PDE3B: variants seen among roughly 807,000 people sequenced by gnomAD.
The protein encoded by PDE3B is cGMP-inhibited 3',5'-cyclic phosphodiesterase 3B.
In PDE3B, 66 loss-of-function variants were observed where a neutral mutation model predicts 116.8. The ratio of observed to expected loss-of-function variants is 0.56; its 90% CI spans 0.46 to 0.69. The LOEUF is 0.69. Among genes scored for constraint, PDE3B ranks in the 30% least tolerant of loss-of-function variants. The pLI is 0.00. For synonymous variants in PDE3B, 595 were observed against 533.6 expected, an observed-to-expected ratio of 1.12 and a Z score of -1.59; for missense variants, 1,384 against 1,368.1, an observed-to-expected ratio of 1.01 and a Z score of -0.18.
chr11:14,896,769 A>T, the PDE3B span, among the ~76,000 whole-genome samples: 1 of 152,206 alleles, frequency 6.6e-6, no homozygotes, highest in Non-Finnish European at 1.5e-5. Flanking sequence ...TCTATTTAAA[A>T]TTCGTGAATA....
chr11:14,732,375 A>G (rs889889580), intron 1 of PDE3B, among the ~76,000 whole-genome samples: 1 of 152,204 alleles, frequency 6.6e-6, no homozygotes, highest in African/African-American at 2.4e-5. Context: ...AATATATCAG[A>G]GAATGGAGTT....
In PDE3B at chr11:14,820,075, A is replaced by G. The variant is rs149441721; in HGVS notation, c.1807+866A>G. On this transcript the variant is annotated intron_variant, in intron 7 of 15. Coordinates refer to ENST00000282096, the MANE Select transcript of PDE3B (RefSeq NM_000922.4). The stretch of plus-strand genomic sequence containing the variant: ...ATTATAGGTTCTTCTCAATCCCTTT[A>G]CATACCATAAAACTTACCCTTTTAA... Among the ~76,000 whole-genome samples the G allele has an allele frequency of 7.2e-5, 11 of 152,272 alleles. No homozygotes were observed. In the East Asian group the frequency reaches 1.9e-3, roughly 27 times the overall value.
intron 1 of PDE3B, among the ~76,000 whole-genome samples, chr11:14,763,342 C>T (rs186841985): frequency 1.6e-3 from 246 of 152,112 alleles, no homozygotes; most frequent in Non-Finnish European, 2.9e-3. Context: ...TCATCAAGAA[C>T]AGATTTAATG....
intron 1 of PDE3B, among the ~76,000 whole-genome samples, chr11:14,696,895 A>G (rs895588919): frequency 6.6e-6 from 1 of 152,134 alleles, no homozygotes; most frequent in African/African-American, 2.4e-5. Context: ...GGAAGATCAC[A>G]AAGATATTGT....
chr11:14,751,786 T>C (rs1028248342), intron 1 of PDE3B, among the ~76,000 whole-genome samples: 1 of 152,190 alleles, frequency 6.6e-6, no homozygotes, highest in African/African-American at 2.4e-5. Context: ...ATCTGAAAGA[T>C]AGGCAACGAG....
At chr11:14,811,262 G>A (rs1229355033) in intron 5 of PDE3B, among the ~76,000 whole-genome samples, 3 of 152,112 alleles carry the variant, frequency 2.0e-5, no homozygotes, top group African/African-American at 7.2e-5. Flanking sequence ...GTCCTGAATG[G>A]TAATGCCTAG....
intron 1 of PDE3B, among the ~76,000 whole-genome samples, chr11:14,651,211 C>T (rs1023803053): frequency 7.2e-5 from 11 of 152,280 alleles, no homozygotes; most frequent in Non-Finnish European, 1.3e-4. Context: ...AGATGCATCA[C>T]GCTGATCTCA....
At chr11:14,789,373 A>T in intron 4 of PDE3B, 131 bp downstream of exon 4, 1 of 629,282 alleles carries the variant, frequency 1.6e-6, no homozygotes, top group East Asian at 2.9e-5. Context: ...CAACATGTGT[A>T]GTAATAATAT....
chr11:14,758,223 G>C (rs1347817407), intron 1 of PDE3B, among the ~76,000 whole-genome samples: 1 of 151,840 alleles, frequency 6.6e-6, no homozygotes, highest in Non-Finnish European at 1.5e-5. Flanking sequence ...AGTATAGTTT[G>C]AAGTCAGGTA....
chr11:14,844,589 A>G (rs1334736860), intron 12 of PDE3B, among the ~76,000 whole-genome samples: 1 of 152,224 alleles, frequency 6.6e-6, no homozygotes, highest in Admixed American at 6.5e-5. Flanking sequence ...TAGTCAAAGA[A>G]AGGGGTGACA....
At position 14,645,014 on chromosome 11, in the gene PDE3B, A is replaced by G. The variant is rs1469871155; in HGVS notation, c.939A>G (p.Ile313Met). The G allele has an allele frequency of 1.2e-6, 2 of 1,612,798 alleles. No homozygotes were observed. Among genetic ancestry groups the G allele is most frequent in the East Asian group, 2.2e-5 (1 of 44,882 alleles). ...CCAGTTACTATGGCAGTTGCAAAAT[A>G]TTCAGGAGACCGTCGTTGCCTTGTA... ...TAASYYGSCK[I>M]FRRPSLPCIS... The change falls in exon 1 of 16, where the codon ATA (isoleucine) becomes ATG (methionine). Residue 313 changes from isoleucine to methionine, a missense_variant. Physicochemically the swap from Ile to Met is conservative, Grantham distance 10. Coordinates refer to ENST00000282096, the MANE Select transcript of PDE3B (RefSeq NM_000922.4).
Position 14,676,482 on chromosome 11 carries a change from A to G in PDE3B, c.978+31429A>G, listed in dbSNP as rs1854534557. Among the ~76,000 whole-genome samples the G allele has an allele frequency of 2.0e-5, 3 of 152,156 alleles. No homozygotes were observed. In the South Asian group the frequency reaches 6.2e-4, roughly 32 times the overall value. On this transcript the variant is annotated intron_variant, in intron 1 of 15. Transcript: ENST00000282096. ...TAGAAAAAGTACGGTAAAAATATGTACACCTGTATAGGGCACTTACCATGA... is the reference window on the plus strand; with the variant it reads ...TAGAAAAAGTACGGTAAAAATATGTGCACCTGTATAGGGCACTTACCATGA...
intron 1 of PDE3B, among the ~76,000 whole-genome samples, chr11:14,653,504 G>A (rs1332643890): frequency 1.3e-5 from 2 of 151,936 alleles, no homozygotes; most frequent in African/African-American, 4.8e-5. Context: ...GGCAAAGCTT[G>A]CAGTGAGCCG....
chr11:14,754,387 T>C (rs1857130756), intron 1 of PDE3B, among the ~76,000 whole-genome samples: 1 of 152,134 alleles, frequency 6.6e-6, no homozygotes, highest in Admixed American at 6.6e-5. Context: ...TTGAGATCAA[T>C]CTCTAGAGTA....
intron 5 of PDE3B, among the ~76,000 whole-genome samples, chr11:14,813,049 C>G (rs923386143): frequency 2.0e-5 from 3 of 152,162 alleles, no homozygotes; most frequent in Non-Finnish European, 2.9e-5. Context: ...TCATCAGACA[C>G]CACATCTGCC....
intron 1 of PDE3B, among the ~76,000 whole-genome samples, chr11:14,752,470 G>C (rs1309124190): frequency 6.6e-6 from 1 of 152,114 alleles, no homozygotes; most frequent in African/African-American, 2.4e-5. Flanking sequence ...AACTTTGCAA[G>C]CCATAGGTAA....
intron 1 of PDE3B, among the ~76,000 whole-genome samples, chr11:14,709,280 T>G (rs947765126): frequency 3.3e-5 from 5 of 152,178 alleles, no homozygotes; most frequent in African/African-American, 1.2e-4. Flanking sequence ...AGCAATGTTT[T>G]GTAGTCTTTT....
At chr11:14,827,477 A>G (rs1413564569) in intron 7 of PDE3B, among the ~76,000 whole-genome samples, 1 of 152,238 alleles carries the variant, frequency 6.6e-6, no homozygotes, top group East Asian at 1.9e-4. Context: ...GTTTCAGGAT[A>G]CAAAATCAAT....
the PDE3B span, among the ~76,000 whole-genome samples, chr11:14,881,583 T>C: frequency 7.2e-5 from 11 of 152,198 alleles, no homozygotes; most frequent in East Asian, 1.9e-4. Context: ...TGGGAACTGA[T>C]TGGATCATAG....
Sources: allele counts gnomAD v4.1 joint callset (sites outside exome capture counted in the v4.1 genomes callset), GRCh38; gene constraint gnomAD v4.1.1; transcripts MANE v1.5; gene names NCBI Gene and HGNC (gene_info 2026-07-23, HGNC 2026-07-21).